BRSK2: variants seen among roughly 807,000 people sequenced by gnomAD.
BRSK2 encodes BR serine/threonine kinase 2, also known as serine/threonine-protein kinase BRSK2.
Under a neutral mutation model 83.3 loss-of-function variants are expected in BRSK2, and 19 were observed. That is an observed-to-expected ratio of 0.23 (90% CI 0.16 to 0.33). The LOEUF is 0.33. Ranked by LOEUF, BRSK2 falls within the 10% of genes least tolerant of loss-of-function variation. The probability of loss-of-function intolerance (pLI) is 1.00; values close to 1 mark genes in which losing one functional copy is unlikely to be tolerated. For synonymous variants in BRSK2, 519 were observed against 435.4 expected, an observed-to-expected ratio of 1.19 and a Z score of -2.39; for missense variants, 798 against 1,042.3, an observed-to-expected ratio of 0.77 and a Z score of 3.23.
intron 1 of BRSK2, chr11:1,411,694 AGGGATGCAGCCCCCACGGCAGGGACGG>A: frequency 1.3e-6 from 2 of 1,530,856 alleles, no homozygotes; most frequent in East Asian, 4.9e-5. Context: ...TTCATGTGTG[AGGGATGCAGCCCCCACGGCAGGGACGG>A]GGGACCTCGC....
At chr11:1,428,952 C>A (rs138042546) in intron 1 of BRSK2, among the ~76,000 whole-genome samples, 1 of 146,840 alleles carries the variant, frequency 6.8e-6, no homozygotes, top group Admixed American at 6.7e-5. Context: ...TGTGTGTGCA[C>A]GGGTGTGTGC....
chr11:1,410,800 C>A (rs779498730), intron 1 of BRSK2: 6 of 985,290 alleles, frequency 6.1e-6, no homozygotes, highest in Non-Finnish European at 7.2e-6. Context: ...GTGGCCCCCC[C>A]GCCACCCGGC....
chr11:1,435,912 C>A (rs898409522), intron 1 of BRSK2, 128 bp from the exon 2 acceptor site: 64 of 645,906 alleles, frequency 9.9e-5, no homozygotes, highest in South Asian at 6.1e-4. Context: ...CAGGGGCCTC[C>A]GGCCCTGGAG....
intron 5 of BRSK2, 50 bp from the exon 6 acceptor site, chr11:1,443,056 G>T: frequency 1.3e-6 from 2 of 1,519,926 alleles, no homozygotes; most frequent in East Asian, 2.5e-5. Context: ...CTGGGGGGAG[G>T]GCCTGGCAGC....
At chr11:1,391,351 G>C (rs562589740) in intron 1 of BRSK2, among the ~76,000 whole-genome samples, 6 of 152,224 alleles carry the variant, frequency 3.9e-5, no homozygotes, top group Admixed American at 6.5e-5. Flanking sequence ...CGGGCGGGCA[G>C]GGGTGGAGGG....
At chr11:1,459,652 G>A (rs1343869500) in intron 19 of BRSK2, among the ~76,000 whole-genome samples, 1 of 152,230 alleles carries the variant, frequency 6.6e-6, no homozygotes, top group Non-Finnish European at 1.5e-5. Flanking sequence ...TGGGGGTTAG[G>A]CTTAGGAAGT....
At chr11:1,408,997 C>T (rs562079256) in intron 1 of BRSK2, among the ~76,000 whole-genome samples, 1 of 151,250 alleles carries the variant, frequency 6.6e-6, no homozygotes, top group East Asian at 1.9e-4. Flanking sequence ...TATGTCTGTG[C>T]AGGGGTGTGC....
chr11:1,424,532 C>T (rs2132879782), intron 1 of BRSK2, among the ~76,000 whole-genome samples: 1 of 152,324 alleles, frequency 6.6e-6, no homozygotes, highest in African/African-American at 2.4e-5. Flanking sequence ...CAGGAACTCC[C>T]CCAACATCTA....
At chr11:1,440,633 T>C (rs931680636) in intron 3 of BRSK2, among the ~76,000 whole-genome samples, 155 bp from the exon 4 acceptor site, 2 of 143,244 alleles carry the variant, frequency 1.4e-5, no homozygotes, top group East Asian at 2.4e-4. Flanking sequence ...AGATCCACCA[T>C]AGTCAGGGCT....
intron 1 of BRSK2, among the ~76,000 whole-genome samples, chr11:1,394,562 G>A (rs1303485769): frequency 1.6e-5 from 1 of 60,928 alleles, no homozygotes; most frequent in Non-Finnish European, 3.5e-5. Context: ...TCCTGGAGAT[G>A]GGTCCTGGAG....
chr11:1,445,343 C>G lies in BRSK2; in HGVS notation c.862C>G (p.Gln288Glu). 1 of 1,611,722 alleles carries G rather than the reference C, an allele frequency of 6.2e-7. No homozygotes were observed. The highest frequency in any genetic ancestry group is 8.5e-7 in the Non-Finnish European group (1 of 1,179,524). ...AGAGCAGCCCATTCCTCGCAAGGTG[C>G]AGATCCGCTCGCTGCCCAGCCTGGA... ...EPEQPIPRKV[Q>E]IRSLPSLEDI... Residue 288 changes from glutamine to glutamate, a missense_variant, in exon 10 of 20, where the codon CAG becomes GAG. By Grantham distance (29) the Gln-to-Glu change is conservative. Transcript: ENST00000528841.
intron 1 of BRSK2, chr11:1,410,538 G>A: frequency 1.0e-6 from 1 of 985,512 alleles, no homozygotes; most frequent in Non-Finnish European, 1.2e-6. Flanking sequence ...CCTCACTGCT[G>A]AGCACGAGAC....
intron 18 of BRSK2, among the ~76,000 whole-genome samples, chr11:1,457,807 C>A (rs1193804234): frequency 6.6e-6 from 1 of 150,986 alleles, no homozygotes; most frequent in African/African-American, 2.4e-5. Flanking sequence ...GGAGCCCCCC[C>A]AGAGTGTGCT....
chr11:1,446,744 C>T lies in BRSK2; in HGVS notation c.1226+837C>T, dbSNP rs1852186808. 2.0e-5 allele frequency among the ~76,000 whole-genome samples: 3 copies of T among 152,334 alleles called. No homozygotes were observed. In the South Asian group the frequency reaches 6.2e-4, roughly 32 times the overall value. ...CGGTGCGGCCTCTTGGGGATGAGCT[C>T]AAACGTCCCTCACCAGGTGGCAGCT... is the stretch of plus-strand genomic sequence containing the variant. On this transcript the variant is annotated intron_variant, in intron 12 of 19. Transcript: ENST00000528841.
chr11:1,448,913 G>A (rs995350475), intron 12 of BRSK2, among the ~76,000 whole-genome samples: 5 of 152,342 alleles, frequency 3.3e-5, no homozygotes, highest in South Asian at 2.1e-4. Context: ...GAGGCCCCTC[G>A]TGGCCGGCTG....
intron 1 of BRSK2, among the ~76,000 whole-genome samples, chr11:1,433,809 C>T (rs890746915): frequency 3.9e-5 from 6 of 152,244 alleles, no homozygotes; most frequent in African/African-American, 1.4e-4. Flanking sequence ...CACACCCTGC[C>T]GAGGCCACCC....
Position 1,460,459 on chromosome 11 carries a change from TCC to T in BRSK2, c.1988-40_1988-39del, listed in dbSNP as rs1491275819. On this transcript the variant is annotated intron_variant, in intron 19 of 19. Coordinates refer to ENST00000528841, the MANE Select transcript of BRSK2 (RefSeq NM_001256627.2). ...TTCTCTCCCCCTTTTTTTTCTTTTT[TCC>T]TTTTTTTTTTTTTTTTTGTCTCTGT... is the stretch of plus-strand genomic sequence containing the variant. 7.8e-4 allele frequency: 832 copies of T among 1,064,120 alleles called. 17 individuals are homozygous for T. Among genetic ancestry groups the T allele is most frequent in the African/African-American group, 3.6e-3 (129 of 35,688 alleles). The allele number at this position is 1,064,120 out of a possible 1,614,324, so 65.9% of individuals were successfully genotyped here.
Position 1,443,469 on chromosome 11 carries a change from C to T in BRSK2, c.634-20C>T, listed in dbSNP as rs748209786. On this transcript the variant is annotated intron_variant, in intron 7 of 19. Coordinates refer to ENST00000528841, the MANE Select transcript of BRSK2 (RefSeq NM_001256627.2). ...CAAACCTGCCCCCCCACGCTGACCC[C>T]CACACCCGGCCGCCCGCAGGGGGCT... The T allele has an allele frequency of 3.9e-5, 62 of 1,578,344 alleles. No individual in the cohort carries two copies. The East Asian group carries it at 1.4e-3, about 36-fold the overall frequency.
intron 12 of BRSK2, among the ~76,000 whole-genome samples, chr11:1,449,295 C>T (rs892592573): frequency 6.6e-6 from 1 of 152,196 alleles, no homozygotes; most frequent in African/African-American, 2.4e-5. Context: ...AAGGGAAGGG[C>T]CGGCCGCTGA....
Sources: gnomAD v4.1 joint callset for allele counts (sites outside exome capture counted in the v4.1 genomes callset) on GRCh38, gnomAD v4.1.1 for gene constraint, MANE v1.5 for transcripts, NCBI Gene and HGNC (gene_info 2026-07-23, HGNC 2026-07-21) for gene names.